Variants in GIGYF2 observed in about 807,000 individuals in gnomAD.
The protein encoded by GIGYF2 is GRB10 interacting GYF protein 2.
Under a neutral mutation model 208.1 loss-of-function variants are expected in GIGYF2, and 25 were observed. The ratio of observed to expected loss-of-function variants is 0.12; its 90% CI spans 0.09 to 0.17. GIGYF2 has a LOEUF of 0.17. Among genes scored for constraint, GIGYF2 ranks in the 10% least tolerant of loss-of-function variants. The pLI, the probability that GIGYF2 is intolerant of heterozygous loss-of-function variation, is 1.00. For missense variants in GIGYF2, 1,302 were observed against 1,579.4 expected (o/e 0.82, Z 2.98); for synonymous variants, 534 against 543.8 (o/e 0.98, Z 0.25).
In GIGYF2 at chr2:232,806,920, A is replaced by G. The variant is rs755850882; in HGVS notation, c.1806+263A>G. Among the ~76,000 whole-genome samples, 5 of 152,174 alleles carry G rather than the reference A, an allele frequency of 3.3e-5. No homozygotes were observed. Among genetic ancestry groups the G allele is most frequent in the African/African-American group, 4.8e-5 (2 of 41,456 alleles). On this transcript the variant is annotated intron_variant, in intron 15 of 28. Transcript: ENST00000373563. The surrounding 1 kb of genome is among the most constrained non-coding windows in gnomAD (Gnocchi z 4.0). ...GAATCCTTCAGTAGCATTCCAGCAG[A>G]TGTAGAATGAAGACCAACATCTTAT... is the stretch of plus-strand genomic sequence containing the variant.
chr2:232,780,347 GA>G (rs1559426321), intron 8 of GIGYF2, among the ~76,000 whole-genome samples: 1 of 152,162 alleles, frequency 6.6e-6, no homozygotes, highest in African/African-American at 2.4e-5. Context: ...TGCCACTGGG[GA>G]AATTGTATAT....
chr2:232,800,662 G>A (rs1700369689), intron 14 of GIGYF2, among the ~76,000 whole-genome samples: 1 of 150,820 alleles, frequency 6.6e-6, no homozygotes, highest in African/African-American at 2.4e-5. Context: ...ATGGCTCACT[G>A]TAGCCTCAAA....
chr2:232,716,192 C>T (rs750724572), intron 2 of GIGYF2, among the ~76,000 whole-genome samples: 4 of 151,982 alleles, frequency 2.6e-5, no homozygotes, highest in African/African-American at 9.7e-5. Context: ...GGGTCCCCCT[C>T]ATGTTTGGAC....
intron 5 of GIGYF2, among the ~76,000 whole-genome samples, chr2:232,751,086 C>G (rs1698321937): frequency 6.6e-6 from 1 of 152,218 alleles, no homozygotes; most frequent in Non-Finnish European, 1.5e-5. Flanking sequence ...CTCAGCCTCT[C>G]AAAGTGCTGG....
chr2:232,836,299 TATATATATATATATATATATA>T lies in GIGYF2; in HGVS notation c.2766+3207_2766+3227del. 1.0e-4 allele frequency among the ~76,000 whole-genome samples: 2 copies of T among 20,018 alleles called. 1 individual carries two copies. Among genetic ancestry groups the T allele is most frequent in the African/African-American group, 3.1e-4 (2 of 6,528 alleles). The allele number at this position is 20,018 out of a possible 152,430, so 13.1% of individuals were successfully genotyped here. A position where few individuals can be genotyped will look rare whatever the true frequency, so the allele number is the denominator to read the frequency against. On this transcript the variant is annotated intron_variant, in intron 22 of 28. Coordinates refer to ENST00000373563, the MANE Select transcript of GIGYF2 (RefSeq NM_001103146.3). ...ATATATATATATATATATATATATA[TATATATATATATATATATATA>T]TATATATATACATATATATACTTAT...
chr2:232,812,950 A>G (rs951115829), intron 18 of GIGYF2, among the ~76,000 whole-genome samples: 1 of 151,924 alleles, frequency 6.6e-6, no homozygotes, highest in Non-Finnish European at 1.5e-5. Flanking sequence ...GCAGTGAGCT[A>G]TGATCATGCC....
At chr2:232,703,247 C>T (rs1695936678) in intron 1 of GIGYF2, among the ~76,000 whole-genome samples, 177 bp from the exon 2 acceptor site, 1 of 152,172 alleles carries the variant, frequency 6.6e-6, no homozygotes, top group Non-Finnish European at 1.5e-5. Context: ...CACTGTAGAA[C>T]TACTGAGACT....
At chr2:232,765,636 A>G (rs1174628751) in intron 8 of GIGYF2, 1 of 149,256 alleles carries the variant, frequency 6.7e-6, no homozygotes, top group Non-Finnish European at 1.5e-5. Flanking sequence ...TGCCCATCTT[A>G]TGGTATGATT....
chr2:232,823,854 G>T (rs1701169910), intron 21 of GIGYF2, among the ~76,000 whole-genome samples: 2 of 152,168 alleles, frequency 1.3e-5, no homozygotes, highest in South Asian at 2.1e-4. Flanking sequence ...TTTACGAATT[G>T]AAGGGCTTGT....
intron 8 of GIGYF2, among the ~76,000 whole-genome samples, chr2:232,775,487 T>G (rs1699474403): frequency 6.6e-6 from 1 of 152,208 alleles, no homozygotes; most frequent in South Asian, 2.1e-4. Context: ...CTCGTATGGT[T>G]TAAAAAATTA....
chr2:232,824,193 T>C (rs1255632130), intron 21 of GIGYF2, among the ~76,000 whole-genome samples: 1 of 152,184 alleles, frequency 6.6e-6, no homozygotes, highest in African/African-American at 2.4e-5. Flanking sequence ...TAACCTACAA[T>C]GGCCTCTAAG....
chr2:232,831,994 G>T (rs1486188313), intron 21 of GIGYF2, among the ~76,000 whole-genome samples: 3 of 152,162 alleles, frequency 2.0e-5, no homozygotes, highest in African/African-American at 7.2e-5. Context: ...TGTCTGCCAG[G>T]AATAAGCCTG....
rs1415998170 is a variant in GIGYF2, at chr2:232,816,907, A to G, written c.2245A>G (p.Lys749Glu). ...QERREAEMRA[K>E]REEEERKRQE... ...GAGAAGAGAGGCAGAAATGAGGGCA[A>G]AACGGGAAGAGGAAGAGCGAAAGAG... The change falls in exon 20 of 29, where the codon AAA (lysine) becomes GAA (glutamate). Residue 749 changes from lysine (K) to glutamate (E), a missense_variant. Coordinates refer to ENST00000373563, the MANE Select transcript of GIGYF2 (RefSeq NM_001103146.3). 1.9e-6 allele frequency: 3 copies of G among 1,613,262 alleles called. No individual in the cohort carries two copies. The highest frequency in any genetic ancestry group is 1.1e-5 in the South Asian group (1 of 91,074).
intron 14 of GIGYF2, among the ~76,000 whole-genome samples, 158 bp downstream of exon 14, chr2:232,796,379 G>C (rs1559438992): frequency 6.6e-6 from 1 of 152,158 alleles, no homozygotes; most frequent in Non-Finnish European, 1.5e-5. Context: ...GATTTCAGAT[G>C]TTTTTAGATT....
chr2:232,835,784 G>T (rs1559159862), intron 22 of GIGYF2, among the ~76,000 whole-genome samples: 1 of 152,074 alleles, frequency 6.6e-6, no homozygotes, highest in African/African-American at 2.4e-5. Context: ...GTTTGGCAGG[G>T]CTCTCTTTGA....
intron 3 of GIGYF2, among the ~76,000 whole-genome samples, chr2:232,738,843 A>T (rs959700911): frequency 6.6e-6 from 1 of 152,214 alleles, no homozygotes; most frequent in East Asian, 1.9e-4. Flanking sequence ...GCTTTGGATG[A>T]TATATGGACA....
intron 8 of GIGYF2, among the ~76,000 whole-genome samples, chr2:232,770,484 A>C (rs1574859883): frequency 6.6e-6 from 1 of 152,348 alleles, no homozygotes; most frequent in East Asian, 1.9e-4. Flanking sequence ...TAGCTCAGTG[A>C]AGAAAAAAAA....
intron 2 of GIGYF2, chr2:232,729,448 G>A (rs556034710): frequency 1.4e-6 from 1 of 728,834 alleles, no homozygotes; most frequent in Non-Finnish European, 2.0e-6. Flanking sequence ...AAATAACTTG[G>A]TTTATTATTT....
At chr2:232,834,059 A>G (rs1046691095) in intron 22 of GIGYF2, among the ~76,000 whole-genome samples, 1 of 152,126 alleles carries the variant, frequency 6.6e-6, no homozygotes, top group Non-Finnish European at 1.5e-5. Flanking sequence ...GGTGCCTGCC[A>G]GATAAGTTTC....
Sources: allele counts gnomAD v4.1 joint callset (sites outside exome capture counted in the v4.1 genomes callset), GRCh38; gene constraint gnomAD v4.1.1; non-coding constraint Gnocchi (gnomAD v3.1); transcripts MANE v1.5; gene names NCBI Gene and HGNC (gene_info 2026-07-23, HGNC 2026-07-21).